MTMR2: variants seen among roughly 807,000 people sequenced by gnomAD.
MTMR2 encodes myotubularin related protein 2.
Under a neutral mutation model 86.9 loss-of-function variants are expected in MTMR2, and 55 were observed. That is an observed-to-expected ratio of 0.63 (90% CI 0.51 to 0.79). The LOEUF (loss-of-function observed/expected upper bound fraction) is 0.79, where lower values mean the gene tolerates loss of function less well. Among genes scored for constraint, MTMR2 ranks in the 30% least tolerant of loss-of-function variants. The pLI is 0.00. For synonymous variants in MTMR2, 241 were observed against 266.8 expected, an observed-to-expected ratio of 0.90 and a Z score of 0.94; for missense variants, 659 against 772.3, an observed-to-expected ratio of 0.85 and a Z score of 1.74.
chr11:95,837,986 G>T (rs1863359089), intron 13 of MTMR2, 108 bp downstream of exon 13: 2 of 744,246 alleles, frequency 2.7e-6, no homozygotes, highest in African/African-American at 1.7e-5. Flanking sequence ...GTAAGATAAA[G>T]TATGACCCAA....
At chr11:95,870,737 C>CTTTTTTTTTTTTTTTT (rs1300942795) in intron 2 of MTMR2, among the ~76,000 whole-genome samples, 1 of 125,028 alleles carries the variant, frequency 8.0e-6, no homozygotes, top group Non-Finnish European at 1.8e-5. Context: ...TTTTCTTTTT[C>CTTTTTTTTTTTTTTTT]TTTTTTTTTT....
intron 1 of MTMR2, among the ~76,000 whole-genome samples, chr11:95,904,739 G>T (rs1866193057): frequency 6.6e-6 from 1 of 152,182 alleles, no homozygotes; most frequent in African/African-American, 2.4e-5. Flanking sequence ...CTATGGAGTA[G>T]GTAGCTATTC....
At chr11:95,903,889 C>T (rs1425386131) in intron 1 of MTMR2, among the ~76,000 whole-genome samples, 1 of 151,966 alleles carries the variant, frequency 6.6e-6, no homozygotes, top group East Asian at 1.9e-4. Flanking sequence ...CTGAGGCAGG[C>T]GGATCACGAG....
intron 10 of MTMR2, among the ~76,000 whole-genome samples, chr11:95,846,635 C>T (rs1397442305): frequency 6.6e-6 from 1 of 152,222 alleles, no homozygotes; most frequent in East Asian, 1.9e-4. Flanking sequence ...TGTCTTATAA[C>T]TCTAGGGAAA....
At chr11:95,858,728 C>G (rs985875696) in intron 5 of MTMR2, 96 bp from the exon 6 acceptor site, 2 of 823,792 alleles carry the variant, frequency 2.4e-6, no homozygotes, top group Admixed American at 1.9e-5. Flanking sequence ...ATGTTAAGAT[C>G]TGTGAATGTG....
chr11:95,905,328 T>TGC (rs201740423), intron 1 of MTMR2, among the ~76,000 whole-genome samples: 2,642 of 47,806 alleles, frequency 0.055, 34 homozygotes, highest in South Asian at 0.15. Flanking sequence ...CGCACGCACC[T>TGC]GCGCACACAC....
intron 3 of MTMR2, among the ~76,000 whole-genome samples, chr11:95,864,276 G>T (rs1333064911): frequency 6.6e-6 from 1 of 152,078 alleles, no homozygotes; most frequent in South Asian, 2.1e-4. Context: ...GTATACAGGA[G>T]GGAAAAGGGA....
intron 9 of MTMR2, among the ~76,000 whole-genome samples, 197 bp downstream of exon 9, chr11:95,849,477 C>T (rs1206430926): frequency 2.0e-5 from 3 of 152,112 alleles, no homozygotes; most frequent in Non-Finnish European, 1.5e-5. Context: ...TTATTATTCT[C>T]ATTTTTACCA....
chr11:95,872,336 C>T (rs10831441), intron 2 of MTMR2, among the ~76,000 whole-genome samples: 4 of 152,104 alleles, frequency 2.6e-5, no homozygotes, highest in South Asian at 2.1e-4. Flanking sequence ...AGGTCCTTCA[C>T]GTCCCTTGTA....
At position 95,923,997 on chromosome 11, in the gene MTMR2, G is replaced by C; in HGVS notation, c.-43C>G. ...ACAGGGAAAGGCTGAAGCAGTCTTCGCGGCTACAGGGCGGGAGAAGCGGAG... is the reference window on the plus strand; with the variant it reads ...ACAGGGAAAGGCTGAAGCAGTCTTCCCGGCTACAGGGCGGGAGAAGCGGAG... On this transcript the variant is annotated 5_prime_UTR_variant, in exon 1 of 15. Coordinates refer to ENST00000346299, the MANE Select transcript of MTMR2 (RefSeq NM_016156.6). The C allele has an allele frequency of 6.5e-7, 1 of 1,548,682 alleles. No individual in the cohort carries two copies. The highest frequency in any genetic ancestry group is 8.7e-7 in the Non-Finnish European group (1 of 1,145,134).
intron 1 of MTMR2, among the ~76,000 whole-genome samples, chr11:95,893,055 C>A (rs886408384): frequency 3.3e-5 from 5 of 152,112 alleles, no homozygotes; most frequent in African/African-American, 1.2e-4. Context: ...TTTCAGTATA[C>A]AACCTCCTTG....
intron 2 of MTMR2, among the ~76,000 whole-genome samples, chr11:95,880,805 T>A (rs1046698139): frequency 2.0e-5 from 3 of 152,098 alleles, no homozygotes; most frequent in Non-Finnish European, 4.4e-5. Context: ...AATTTGTAGA[T>A]GTTCTTTGCA....
chr11:95,869,340 G>A (rs1317007492), intron 2 of MTMR2, among the ~76,000 whole-genome samples: 1 of 151,984 alleles, frequency 6.6e-6, no homozygotes, highest in Non-Finnish European at 1.5e-5. Flanking sequence ...ATAGGTCGAG[G>A]AGCATCTGTA....
chr11:95,854,911 C>T (rs556867170), intron 7 of MTMR2, among the ~76,000 whole-genome samples: 6 of 152,150 alleles, frequency 3.9e-5, no homozygotes, highest in African/African-American at 9.6e-5. Flanking sequence ...AGGGCTCCAT[C>T]AATCCTCCTG....
chr11:95,862,469 A>C lies in MTMR2; in HGVS notation c.263-103T>G, dbSNP rs1056323210. The C allele has an allele frequency of 5.6e-6, 5 of 895,010 alleles. No homozygotes were observed. The African/African-American group carries it at 8.3e-5, about 15-fold the overall frequency. 55.4% of individuals were successfully genotyped at this position (895,010 alleles called of 1,614,324 possible). Reference sequence around the variant, plus strand: ...ATGATTCCTAGACTAATTTATGCTGAAAAATAACAGAACCAGTAATTTCCA... The same window carrying C: ...ATGATTCCTAGACTAATTTATGCTGCAAAATAACAGAACCAGTAATTTCCA... On this transcript the variant is annotated intron_variant, in intron 3 of 14. Transcript: ENST00000346299.
chr11:95,922,368 T>C (rs1866959655), intron 1 of MTMR2, among the ~76,000 whole-genome samples: 1 of 152,226 alleles, frequency 6.6e-6, no homozygotes, highest in Admixed American at 6.5e-5. Flanking sequence ...CATTTGTAAC[T>C]TTCCCATAAA....
intron 2 of MTMR2, among the ~76,000 whole-genome samples, chr11:95,878,300 GA>G (rs1865197771): frequency 6.6e-6 from 1 of 150,698 alleles, no homozygotes; most frequent in Non-Finnish European, 1.5e-5. Context: ...AGGGGAAAAT[GA>G]AAGAGGTGAC....
chr11:95,903,252 C>T (rs1379603076), intron 1 of MTMR2, among the ~76,000 whole-genome samples: 2 of 152,148 alleles, frequency 1.3e-5, no homozygotes, highest in African/African-American at 2.4e-5. Context: ...ACCAACACTT[C>T]GAATTGTTCA....
chr11:95,848,421 TA>T (rs1443339177), intron 9 of MTMR2, among the ~76,000 whole-genome samples: 1 of 152,086 alleles, frequency 6.6e-6, no homozygotes, highest in Admixed American at 6.6e-5. Flanking sequence ...TCTCTTTAAA[TA>T]AAAAGACAGA....
Sources: gnomAD v4.1 joint callset for allele counts (sites outside exome capture counted in the v4.1 genomes callset) on GRCh38, gnomAD v4.1.1 for gene constraint, MANE v1.5 for transcripts, NCBI Gene and HGNC (gene_info 2026-07-23, HGNC 2026-07-21) for gene names.